GAD2: variants seen among roughly 807,000 people sequenced by gnomAD.
GAD2 encodes 65 kDa glutamic acid decarboxylase.
A neutral mutation model predicts 80.1 loss-of-function variants in GAD2; 22 were observed. The ratio of observed to expected loss-of-function variants is 0.27; its 90% CI spans 0.20 to 0.39. GAD2 has a LOEUF of 0.39. Ranked by LOEUF, GAD2 falls within the 10% of genes least tolerant of loss-of-function variation. The pLI is 1.00. For synonymous variants in GAD2, 274 were observed against 256.9 expected (o/e 1.07, Z -0.64); for missense variants, 624 against 738.4 (o/e 0.85, Z 1.80).
At chr10:26,221,645 C>T (rs1475439086) in intron 4 of GAD2, among the ~76,000 whole-genome samples, 1 of 152,214 alleles carries the variant, frequency 6.6e-6, no homozygotes, top group Non-Finnish European at 1.5e-5. Context: ...CCCAACTGAT[C>T]ATGAGCACAG....
chr10:26,298,953 C>G (rs1017175245), intron 15 of GAD2, among the ~76,000 whole-genome samples: 2 of 152,190 alleles, frequency 1.3e-5, no homozygotes, highest in Non-Finnish European at 2.9e-5. Flanking sequence ...GTCCAGTGCT[C>G]TGCATACATT....
chr10:26,261,370 T>C (rs897504081), intron 8 of GAD2, among the ~76,000 whole-genome samples: 6 of 152,212 alleles, frequency 3.9e-5, no homozygotes, highest in African/African-American at 1.4e-4. Context: ...AATATTTTCT[T>C]CTTCCTTCCC....
intron 7 of GAD2, among the ~76,000 whole-genome samples, chr10:26,244,890 G>T (rs530104919): frequency 6.6e-6 from 1 of 152,322 alleles, no homozygotes; most frequent in East Asian, 1.9e-4. Flanking sequence ...AGTGGCTCAT[G>T]CCTGTAATCC....
intron 10 of GAD2, 83 bp downstream of exon 10, chr10:26,270,839 T>C: frequency 1.1e-6 from 1 of 933,238 alleles, no homozygotes; most frequent in Non-Finnish European, 1.7e-6. Context: ...TGTTTTCTCT[T>C]TTTTTAACTT....
At chr10:26,281,354 C>T (rs1234598666) in intron 12 of GAD2, among the ~76,000 whole-genome samples, 4 of 152,140 alleles carry the variant, frequency 2.6e-5, no homozygotes, top group Non-Finnish European at 4.4e-5. Flanking sequence ...CTCAACTGTT[C>T]CTGCATTCCT....
intron 8 of GAD2, among the ~76,000 whole-genome samples, chr10:26,250,099 G>C (rs1844860458): frequency 6.6e-6 from 1 of 151,900 alleles, no homozygotes; most frequent in South Asian, 2.1e-4. Context: ...TTCCAGCCTG[G>C]AATTCCTAGG....
chr10:26,273,765 A>T, intron 11 of GAD2, 65 bp downstream of exon 11: 1 of 1,403,080 alleles, frequency 7.1e-7, no homozygotes, highest in African/African-American at 1.4e-5. Flanking sequence ...CACAAATTAC[A>T]GTCAATTTCC....
At chr10:26,246,111 T>G (rs1844806204) in intron 8 of GAD2, 111 bp downstream of exon 8, 1 of 758,536 alleles carries the variant, frequency 1.3e-6, no homozygotes, top group Admixed American at 2.5e-5. Flanking sequence ...TCCACCTCCC[T>G]CCCAGCCTCT....
chr10:26,240,797 C>G (rs895284578), intron 7 of GAD2, among the ~76,000 whole-genome samples: 2 of 150,526 alleles, frequency 1.3e-5, no homozygotes, highest in East Asian at 2.0e-4. Context: ...TTTGGGAGGC[C>G]GAGGCGGGGT....
chr10:26,236,677 A>G (rs1844676465), intron 7 of GAD2, among the ~76,000 whole-genome samples: 1 of 152,222 alleles, frequency 6.6e-6, no homozygotes, highest in African/African-American at 2.4e-5. Flanking sequence ...AAATTCTTTT[A>G]AACAGTGACC....
Position 26,303,457 on chromosome 10 carries a change from AGGGAGGGAG to A in GAD2, c.*2499_*2507del, listed in dbSNP as rs1834348688. 4 of 84,000 alleles carry A rather than the reference AGGGAGGGAG, an allele frequency of 4.8e-5. No individual in the cohort carries two copies. The highest frequency in any genetic ancestry group is 1.3e-4 in the African/African-American group (4 of 30,384). The allele number at this position is 84,000 out of a possible 1,614,324, so 5.2% of individuals were successfully genotyped here. A position where few individuals can be genotyped will look rare whatever the true frequency, so the allele number is the denominator to read the frequency against. On this transcript the variant is annotated 3_prime_UTR_variant, in exon 16 of 16. Transcript: ENST00000376261. ...GAGTAAGGGAGGAAGGGAGGGAGGG[AGGGAGGGAG>A]GGAAGGAGGGAGGGAGGAAGGAAAT...
At position 26,258,858 on chromosome 10, in the gene GAD2, G is replaced by T. The variant is rs368285957; in HGVS notation, c.921-10261G>T. Reference sequence around the variant, plus strand: ...AGACAGAGTCTCACTCTGTCACCGAGGCTGGAGTGCAATGGCACAATCTTG... The same window carrying T: ...AGACAGAGTCTCACTCTGTCACCGATGCTGGAGTGCAATGGCACAATCTTG... On this transcript the variant is annotated intron_variant, in intron 8 of 15. Coordinates refer to ENST00000376261, the MANE Select transcript of GAD2 (RefSeq NM_001134366.2). Among the ~76,000 whole-genome samples, 7 of 151,154 alleles carry T rather than the reference G, an allele frequency of 4.6e-5. No homozygotes were observed. In the East Asian group the frequency reaches 7.8e-4, roughly 17 times the overall value.
chr10:26,251,224 G>A (rs1340398910), intron 8 of GAD2, among the ~76,000 whole-genome samples: 1 of 151,910 alleles, frequency 6.6e-6, no homozygotes, highest in East Asian at 1.9e-4. Context: ...AATTAGACAT[G>A]ATAACATGAG....
intron 9 of GAD2, among the ~76,000 whole-genome samples, chr10:26,269,610 C>G (rs1000155282): frequency 2.6e-5 from 4 of 152,188 alleles, no homozygotes; most frequent in Non-Finnish European, 2.9e-5. Context: ...TTGCAGGAAG[C>G]AATTTAGAAC....
chr10:26,285,997 A>C (rs1177782632), intron 12 of GAD2, among the ~76,000 whole-genome samples: 1 of 152,228 alleles, frequency 6.6e-6, no homozygotes, highest in East Asian at 1.9e-4. Flanking sequence ...ATTCTCCCAA[A>C]GAAGGGGAAC....
intron 4 of GAD2, among the ~76,000 whole-genome samples, chr10:26,221,788 C>T (rs578057297): frequency 2.6e-5 from 4 of 152,254 alleles, no homozygotes; most frequent in Non-Finnish European, 5.9e-5. Flanking sequence ...TTCCTGGCTG[C>T]ATAGGCTGTG....
intron 11 of GAD2, among the ~76,000 whole-genome samples, chr10:26,277,893 T>C (rs530384481): frequency 2.0e-5 from 3 of 152,114 alleles, no homozygotes; most frequent in East Asian, 3.9e-4. Flanking sequence ...TGTCTTAAAA[T>C]AGCCCTGCGG....
chr10:26,296,909 C>T (rs1027231162), intron 15 of GAD2, among the ~76,000 whole-genome samples: 2 of 146,710 alleles, frequency 1.4e-5, no homozygotes, highest in East Asian at 2.0e-4. Context: ...GTGAAATTTT[C>T]GCATATTAGA....
chr10:26,293,280 C>T (rs1014947755), intron 15 of GAD2, among the ~76,000 whole-genome samples: 1 of 147,056 alleles, frequency 6.8e-6, no homozygotes, highest in East Asian at 2.1e-4. Context: ...CGGGTTCAAG[C>T]GATTCTCCTG....
Sources: gnomAD v4.1 joint callset for allele counts (sites outside exome capture counted in the v4.1 genomes callset) on GRCh38, gnomAD v4.1.1 for gene constraint, MANE v1.5 for transcripts, NCBI Gene and HGNC (gene_info 2026-07-23, HGNC 2026-07-21) for gene names.